The following SEL1L3 variants were observed in gnomAD, a reference collection of about 807,000 sequenced individuals.
SEL1L3 encodes SEL1L family member 3, also known as protein sel-1 homolog 3.
A neutral mutation model predicts 142.8 loss-of-function variants in SEL1L3; 76 were observed. That is an observed-to-expected ratio of 0.53 (90% confidence interval 0.44 to 0.64). SEL1L3 has a LOEUF of 0.64. Ranked by LOEUF, SEL1L3 falls within the 30% of genes least tolerant of loss-of-function variation. The probability of loss-of-function intolerance (pLI) is 0.00; values close to 1 mark genes in which losing one functional copy is unlikely to be tolerated. For synonymous variants in SEL1L3, 504 were observed against 519.6 expected (o/e 0.97, Z 0.41); for missense variants, 1,262 against 1,381.7 (o/e 0.91, Z 1.37).
At chr4:25,751,322 G>A (rs920562423) in intron 23 of SEL1L3, among the ~76,000 whole-genome samples, 1 of 152,104 alleles carries the variant, frequency 6.6e-6, no homozygotes, top group African/African-American at 2.4e-5. Context: ...AGTACCCTTG[G>A]GTGCCCCATC....
the SEL1L3 span, among the ~76,000 whole-genome samples, chr4:25,733,373 T>A: frequency 6.6e-6 from 1 of 152,118 alleles, no homozygotes; most frequent in African/African-American, 2.4e-5. Flanking sequence ...TATTGTGTGA[T>A]GATCTAGTAA....
intron 2 of SEL1L3, among the ~76,000 whole-genome samples, chr4:25,841,549 A>G (rs183039179): frequency 1.3e-5 from 2 of 152,374 alleles, no homozygotes; most frequent in East Asian, 3.9e-4. Context: ...CAAACTATCC[A>G]GGTTCAAACT....
intron 5 of SEL1L3, among the ~76,000 whole-genome samples, chr4:25,831,117 C>T (rs1715410258): frequency 6.6e-6 from 1 of 152,168 alleles, no homozygotes; most frequent in Non-Finnish European, 1.5e-5. Context: ...TCCTGCTTTA[C>T]TCAACTATGT....
chr4:25,821,968 C>T (rs753552049), intron 7 of SEL1L3, 28 bp downstream of exon 7: 5 of 1,606,840 alleles, frequency 3.1e-6, no homozygotes, highest in African/African-American at 1.3e-5. Context: ...CCAGGAGTAC[C>T]GCAATCTTCC....
At chr4:25,833,185 AC>A (rs1450019821) in intron 4 of SEL1L3, 75 bp from the exon 5 acceptor site, 2 of 895,024 alleles carry the variant, frequency 2.2e-6, no homozygotes, top group Admixed American at 3.7e-5. Context: ...GGCCTTTTCA[AC>A]AATTGTCCTA....
chr4:25,781,801 T>C (rs1417308190), intron 15 of SEL1L3, among the ~76,000 whole-genome samples: 1 of 152,224 alleles, frequency 6.6e-6, no homozygotes, highest in Non-Finnish European at 1.5e-5. Context: ...GAGGAAATGC[T>C]TAATCAACAC....
chr4:25,783,275 G>A (rs1024841946), intron 14 of SEL1L3, among the ~76,000 whole-genome samples: 2 of 152,146 alleles, frequency 1.3e-5, no homozygotes, highest in Admixed American at 1.3e-4. Context: ...TACAAATCAG[G>A]GGGTTCCCTC....
the SEL1L3 span, among the ~76,000 whole-genome samples, chr4:25,737,263 G>T: frequency 6.6e-6 from 1 of 152,184 alleles, no homozygotes; most frequent in Non-Finnish European, 1.5e-5. Context: ...GATTACAGGC[G>T]TGAGTCACCA....
At chr4:25,783,094 T>C (rs573631408) in intron 14 of SEL1L3, among the ~76,000 whole-genome samples, 1 of 152,350 alleles carries the variant, frequency 6.6e-6, no homozygotes, top group East Asian at 1.9e-4. Flanking sequence ...TAAAGCACAT[T>C]AGACATCAAT....
chr4:25,859,214 C>T (rs1445265086), intron 1 of SEL1L3, among the ~76,000 whole-genome samples: 1 of 152,236 alleles, frequency 6.6e-6, no homozygotes, highest in East Asian at 1.9e-4. Context: ...CAGTACTCAG[C>T]ACCCGCGACC....
Position 25,779,140 on chromosome 4 carries a change from A to G in SEL1L3, c.2521T>C (p.Cys841Arg). The G allele has an allele frequency of 6.2e-7, 1 of 1,613,552 alleles. No individual in the cohort carries two copies. ...QGGHMEGTLW[C>R]SLYYITGNLE... ...TTGCCTGTGATATAGTAGAGAGAAC[A>G]CCACAAGGTCCCTTCCATGTGTCCA... The change falls in exon 16 of 24, where the codon TGT becomes CGT. Residue 841 changes from cysteine to arginine, a missense_variant. By Grantham distance (180) the Cys-to-Arg change is radical. Around this residue, in one of 3 missense-constraint regions of SEL1L3, gnomAD observed 435 missense variants for 559.2 expected, o/e 0.78. Coordinates refer to ENST00000399878, the MANE Select transcript of SEL1L3 (RefSeq NM_015187.5).
In SEL1L3 at chr4:25,818,176, C is replaced by T; in HGVS notation, c.1526G>A (p.Ser509Asn). 6.2e-7 allele frequency: 1 copy of T among 1,610,888 alleles called. No individual in the cohort carries two copies. Among genetic ancestry groups the T allele is most frequent in the Non-Finnish European group, 8.5e-7 (1 of 1,178,570 alleles). The change falls in exon 9 of 24, where the codon AGC (serine) becomes AAC (asparagine). Residue 509 changes from serine to asparagine, a missense_variant. Physicochemically the swap from Ser to Asn is conservative, Grantham distance 46. Around this residue, in one of 3 missense-constraint regions of SEL1L3, gnomAD observed 689 missense variants for 692.8 expected, o/e 0.99. Coordinates refer to ENST00000399878, the MANE Select transcript of SEL1L3 (RefSeq NM_015187.5). ...CATCTCCAGCAATGCCTGGAACAAG[C>T]TGGGGTGTTTGTCTTTCAGCTCCTT... is the stretch of plus-strand genomic sequence containing the variant. The part of the protein sequence containing the change: ...WEKELKDKHP[S>N]LFQALLEMDL...
In SEL1L3 at chr4:25,758,952, T is replaced by C. The variant is rs868082724; in HGVS notation, c.3072A>G (p.Glu1024=). 6.2e-7 allele frequency: 1 copy of C among 1,613,856 alleles called. No individual in the cohort carries two copies. Among genetic ancestry groups the C allele is most frequent in the Middle Eastern group, 1.6e-4 (1 of 6,062 alleles). Residue 1024 remains glutamate (E), a synonymous_variant, in exon 21 of 24, where the codon GAA becomes GAG. Transcript: ENST00000399878. Reference sequence around the variant, plus strand: ...GGCTCTGAGCTCACCTTTCGTACAGTTCCTGGAGAATGGAGATGTTATTAG... The same window carrying C: ...GGCTCTGAGCTCACCTTTCGTACAGCTCCTGGAGAATGGAGATGTTATTAG... ...LHSNNISILQ[E]LYERCWSHSN...
intron 2 of SEL1L3, among the ~76,000 whole-genome samples, chr4:25,842,783 T>TC (rs58134250): frequency 0.023 from 3,538 of 152,254 alleles, 123 homozygotes; most frequent in African/African-American, 0.079. Flanking sequence ...AGCAAACAAG[T>TC]CCCCTGGCCT....
intron 9 of SEL1L3, among the ~76,000 whole-genome samples, chr4:25,816,603 T>C (rs1577650302): frequency 6.6e-6 from 1 of 152,166 alleles, no homozygotes; most frequent in Non-Finnish European, 1.5e-5. Flanking sequence ...TTCACCTCCC[T>C]GCCATTCACT....
chr4:25,718,638 A>G, the SEL1L3 span: 1 of 152,168 alleles, frequency 6.6e-6, no homozygotes, highest in East Asian at 1.9e-4. Context: ...GCTATTCCTC[A>G]TAGGGACAAG....
intron 1 of SEL1L3, among the ~76,000 whole-genome samples, chr4:25,852,664 T>C (rs1161870093): frequency 6.6e-6 from 1 of 152,210 alleles, no homozygotes; most frequent in Non-Finnish European, 1.5e-5. Context: ...GACATTTGCT[T>C]ATTTTGTGAG....
At chr4:25,786,963 T>C (rs1283659970) in intron 13 of SEL1L3, among the ~76,000 whole-genome samples, 1 of 152,238 alleles carries the variant, frequency 6.6e-6, no homozygotes, top group South Asian at 2.1e-4. Flanking sequence ...TGGCCTTGTT[T>C]GAAGATGCTT....
At chr4:25,795,995 C>T (rs139006222) in intron 11 of SEL1L3, among the ~76,000 whole-genome samples, 1 of 151,986 alleles carries the variant, frequency 6.6e-6, no homozygotes, top group East Asian at 1.9e-4. Flanking sequence ...AGGAACCAAG[C>T]GTCCCAGCCT....
Sources: gnomAD v4.1 joint callset for allele counts (sites outside exome capture counted in the v4.1 genomes callset) on GRCh38, gnomAD v4.1.1 for gene constraint, gnomAD v4.1.1 regional missense constraint, MANE v1.5 for transcripts, NCBI Gene and HGNC (gene_info 2026-07-23, HGNC 2026-07-21) for gene names.